PSG11: variants seen among roughly 807,000 people sequenced by gnomAD.
PSG11 encodes pregnancy specific beta-1-glycoprotein 11.
A neutral mutation model predicts 36.0 loss-of-function variants in PSG11; 42 were observed. The ratio of observed to expected loss-of-function variants is 1.17; its 90% CI spans 0.91 to 1.51. The LOEUF is 1.51. Among genes scored for constraint, PSG11 ranks in the 40% most tolerant of loss-of-function variants. The pLI is 0.00. For synonymous variants in PSG11, 206 were observed against 153.5 expected (o/e 1.34, Z -2.53); for missense variants, 558 against 403.5 (o/e 1.38, Z -3.28).
chr19:43,010,900 T>TAC (rs1479659715), intron 4 of PSG11, among the ~76,000 whole-genome samples: 1 of 148,916 alleles, frequency 6.7e-6, no homozygotes, highest in Non-Finnish European at 1.5e-5. Flanking sequence ...CATATATATA[T>TAC]ATATATATAT....
Position 43,019,185 on chromosome 19 carries a change from C to T in PSG11, c.431-137G>A, listed in dbSNP as rs914098935. 36 of 1,489,986 alleles carry T rather than the reference C, an allele frequency of 2.4e-5. 1 individual carries two copies. Among genetic ancestry groups the T allele is most frequent in the Non-Finnish European group, 3.1e-5 (34 of 1,113,098 alleles). 92.3% of individuals were successfully genotyped at this position (1,489,986 alleles called of 1,614,324 possible). A position where few individuals can be genotyped will look rare whatever the true frequency, so the allele number is the denominator to read the frequency against. On this transcript the variant is annotated intron_variant, in intron 2 of 5. Transcript: ENST00000320078. ...AAGCCCATGGCAGGTGTGTGTGTTA[C>T]AACACAGATGCATGGCATTCTGAAG...
rs548877492 is a variant in PSG11, at chr19:43,021,009, G to A, written c.431-1961C>T. 1.3e-4 allele frequency among the ~76,000 whole-genome samples: 19 copies of A among 151,286 alleles called. 1 individual carries two copies. The highest frequency in any genetic ancestry group is 6.3e-4 in the South Asian group (3 of 4,752). On this transcript the variant is annotated intron_variant, in intron 2 of 5. Coordinates refer to ENST00000320078, the MANE Select transcript of PSG11 (RefSeq NM_002785.3). The stretch of plus-strand genomic sequence containing the variant: ...ACGAAGAACTCCAACTTATGAAAAC[G>A]GCATCATCATGAGGAAACAGTTGTA...
intron 4 of PSG11, among the ~76,000 whole-genome samples, chr19:43,011,850 C>A (rs866081292): frequency 2.1e-4 from 32 of 150,166 alleles, no homozygotes; most frequent in African/African-American, 6.4e-4. Flanking sequence ...ATAATCACAC[C>A]ACTGTATTCC....
intron 4 of PSG11, among the ~76,000 whole-genome samples, chr19:43,012,277 T>C (rs1974097007): frequency 6.6e-6 from 1 of 151,334 alleles, no homozygotes; most frequent in African/African-American, 2.4e-5. Context: ...TTATTCAACA[T>C]AGTATTGAAA....
chr19:43,025,898 T>A (rs751573296), intron 1 of PSG11, among the ~76,000 whole-genome samples: 2 of 140,190 alleles, frequency 1.4e-5, no homozygotes, highest in African/African-American at 2.6e-5. Flanking sequence ...TATCCAGGCA[T>A]CAACAGGGCC....
chr19:43,010,425 G>A (rs570242690), intron 4 of PSG11: 7 of 1,506,478 alleles, frequency 4.6e-6, no homozygotes, highest in Non-Finnish European at 6.3e-6. Context: ...CCATGGCAGG[G>A]ACCTGATTGA....
At chr19:43,012,580 A>G (rs1599669396) in intron 4 of PSG11, among the ~76,000 whole-genome samples, 1 of 118,180 alleles carries the variant, frequency 8.5e-6, no homozygotes, top group South Asian at 2.7e-4. Flanking sequence ...AAGAATAACC[A>G]AAGAGGTGAA....
At chr19:43,015,900 C>G in intron 3 of PSG11, 4 of 1,609,986 alleles carry the variant, frequency 2.5e-6, no homozygotes, top group Non-Finnish European at 3.4e-6. Flanking sequence ...GTCGCTTTAC[C>G]CTGGGACTGA....
At chr19:43,022,994 C>A (rs2122828068) in intron 2 of PSG11, among the ~76,000 whole-genome samples, 1 of 150,648 alleles carries the variant, frequency 6.6e-6, no homozygotes. Flanking sequence ...AGATGAGGGA[C>A]ACAGAGAAGC....
chr19:43,019,190 C>G, intron 2 of PSG11, 142 bp from the exon 3 acceptor site: 1 of 1,484,998 alleles, frequency 6.7e-7, no homozygotes, highest in Non-Finnish European at 9.0e-7. Context: ...TGTTACAACA[C>G]AGATGCATGG....
chr19:43,021,378 G>C (rs1355854009), intron 2 of PSG11, among the ~76,000 whole-genome samples: 9 of 151,152 alleles, frequency 6.0e-5, no homozygotes, highest in African/African-American at 9.8e-5. Flanking sequence ...TTTTCTGAGA[G>C]AGACTCTTGC....
chr19:43,018,986 C>G lies in PSG11; in HGVS notation c.493G>C (p.Val165Leu), dbSNP rs758505194. ...NLNPREAMETVILTCNPETPD... is the reference protein window; with the variant it reads ...NLNPREAMETLILTCNPETPD... ...GTCTCAGGATTACAGGTTAAGATCA[C>G]AGTCTCCATGGCCTCCCTGGGGTTT... The change falls in exon 3 of 6, where the codon GTG (valine) becomes CTG (leucine). Residue 165 changes from valine to leucine, a missense_variant. Coordinates refer to ENST00000320078, the MANE Select transcript of PSG11 (RefSeq NM_002785.3). The G allele has an allele frequency of 3.7e-6, 6 of 1,611,982 alleles. No individual in the cohort carries two copies. In the Admixed American group the frequency reaches 6.7e-5, roughly 18 times the overall value.
chr19:43,010,257 C>G (rs1974040245), intron 4 of PSG11: 4 of 1,455,128 alleles, frequency 2.7e-6, no homozygotes, highest in African/African-American at 2.9e-5. Context: ...TGTCAATTCT[C>G]TACTGCACTC....
chr19:43,020,802 T>C (rs1364849202), intron 2 of PSG11, among the ~76,000 whole-genome samples: 1 of 150,908 alleles, frequency 6.6e-6, no homozygotes, highest in Admixed American at 6.6e-5. Context: ...TGTTAGTAAA[T>C]ATAGAAAGAA....
chr19:43,025,638 C>G (rs554610383), intron 1 of PSG11, among the ~76,000 whole-genome samples: 4,076 of 143,950 alleles, frequency 0.028, 148 homozygotes, highest in Non-Finnish European at 0.04. Flanking sequence ...GTTCTCAGGG[C>G]CGTCCACGCC....
chr19:43,010,890 C>CATATATAT (rs10566441), intron 4 of PSG11, among the ~76,000 whole-genome samples: 85 of 140,446 alleles, frequency 6.1e-4, no homozygotes, highest in African/African-American at 1.7e-3. Context: ...CCTCTTTTTC[C>CATATATAT]ATATATATAT....
At chr19:43,016,142 C>T in intron 3 of PSG11, 3 of 1,496,536 alleles carry the variant, frequency 2.0e-6, no homozygotes, top group South Asian at 1.3e-5. Flanking sequence ...CCTCTCAGCC[C>T]ACCCGAGTCC....
At chr19:43,014,665 T>C (rs1599671204) in intron 4 of PSG11, 1 of 1,146,164 alleles carries the variant, frequency 8.7e-7, no homozygotes, top group African/African-American at 1.6e-5. Flanking sequence ...GAGCTGCTCC[T>C]CCCTCACCCA....
intron 4 of PSG11, 92 bp downstream of exon 4, chr19:43,015,024 G>A: frequency 2.5e-6 from 4 of 1,604,742 alleles, no homozygotes; most frequent in East Asian, 2.2e-5. Context: ...TGGGACACAG[G>A]CTGGGAATAA....
Sources: gnomAD v4.1 joint callset for allele counts (sites outside exome capture counted in the v4.1 genomes callset) on GRCh38, gnomAD v4.1.1 for gene constraint, MANE v1.5 for transcripts, NCBI Gene and HGNC (gene_info 2026-07-23, HGNC 2026-07-21) for gene names.